The following NEMP2 variants were observed in gnomAD, a reference collection of about 807,000 sequenced individuals.
The protein encoded by NEMP2 is UPF0571 transmembrane protein.
NEMP2 carries 53 observed loss-of-function variants against 54.2 expected under a neutral mutation model. The ratio of observed to expected loss-of-function variants is 0.98; its 90% CI spans 0.78 to 1.23. NEMP2 has a LOEUF of 1.23. NEMP2 is among the 50% of genes most tolerant of loss of function. The pLI, the probability that NEMP2 is intolerant of heterozygous loss-of-function variation, is 0.00. For synonymous variants in NEMP2, 197 were observed against 190.3 expected (o/e 1.04, Z -0.29); for missense variants, 455 against 511.3 (o/e 0.89, Z 1.06).
Position 190,529,081 on chromosome 2 carries a change from G to A in NEMP2, c.98-3703C>T, listed in dbSNP as rs1277931095. Among the ~76,000 whole-genome samples, 2 of 152,126 alleles carry A rather than the reference G, an allele frequency of 1.3e-5. No individual in the cohort carries two copies. The highest frequency in any genetic ancestry group is 2.9e-5 in the Non-Finnish European group (2 of 68,020). On this transcript the variant is annotated intron_variant, in intron 1 of 8. Coordinates refer to ENST00000409150, the MANE Select transcript of NEMP2 (RefSeq NM_001142645.2). This position sits in a 1 kb window ranked among gnomAD's most constrained non-coding sequence, Gnocchi z 4.7. Reference sequence around the variant, plus strand: ...ATTGGGCCCGGGTACAATGGCTCATGCCTGTAATTTCGCTTGAACCTGGGA... The same window carrying A: ...ATTGGGCCCGGGTACAATGGCTCATACCTGTAATTTCGCTTGAACCTGGGA...
chr2:190,467,571 C>T, the NEMP2 span, among the ~76,000 whole-genome samples: 1 of 152,096 alleles, frequency 6.6e-6, no homozygotes, highest in Non-Finnish European at 1.5e-5. The surrounding 1 kb of genome is among the most constrained non-coding windows in gnomAD (Gnocchi z 5.5). Flanking sequence ...CGAGATCGTG[C>T]CACTGCTCTC....
the NEMP2 span, chr2:190,436,109 A>G: frequency 1.9e-6 from 3 of 1,614,248 alleles, no homozygotes; most frequent in Non-Finnish European, 1.7e-6. The surrounding 1 kb of genome is among the most constrained non-coding windows in gnomAD (Gnocchi z 5.3). Context: ...GATCCCTTTA[A>G]TGGTATTTCC....
chr2:190,436,176 T>C, the NEMP2 span: 1 of 1,614,172 alleles, frequency 6.2e-7, no homozygotes, highest in East Asian at 2.2e-5. The surrounding 1 kb of genome is among the most constrained non-coding windows in gnomAD (Gnocchi z 5.3). Context: ...CATCTGCTAT[T>C]CCTGAGGAGG....
chr2:190,572,225 T>C, the NEMP2 span, among the ~76,000 whole-genome samples: 1 of 152,150 alleles, frequency 6.6e-6, no homozygotes, highest in Non-Finnish European at 1.5e-5. Flanking sequence ...CTTTTTTAAA[T>C]AATAAAAGTT....
At chr2:190,497,256 A>G in the NEMP2 span, among the ~76,000 whole-genome samples, 1 of 152,150 alleles carries the variant, frequency 6.6e-6, no homozygotes, top group East Asian at 1.9e-4. This position sits in a 1 kb window ranked among gnomAD's most constrained non-coding sequence, Gnocchi z 5.2. Context: ...AAAGATAAAC[A>G]TCATGTTCAT....
chr2:190,438,930 T>G, the NEMP2 span, among the ~76,000 whole-genome samples: 2 of 152,160 alleles, frequency 1.3e-5, no homozygotes, highest in East Asian at 3.9e-4. This position sits in a 1 kb window ranked among gnomAD's most constrained non-coding sequence, Gnocchi z 5.2. Flanking sequence ...GGAGGTGGTG[T>G]TCTGTTCCTT....
rs1574316048 is a variant in NEMP2, at chr2:190,529,325, A to G, written c.98-3947T>C. On this transcript the variant is annotated intron_variant, in intron 1 of 8. Coordinates refer to ENST00000409150, the MANE Select transcript of NEMP2 (RefSeq NM_001142645.2). The surrounding 1 kb of genome is among the most constrained non-coding windows in gnomAD (Gnocchi z 4.7). ...GTGCCTCTATGACCTTCCCTCCTCCACCTTCCCTCCCAGCCCACTGCTCCA... is the reference window on the plus strand; with the variant it reads ...GTGCCTCTATGACCTTCCCTCCTCCGCCTTCCCTCCCAGCCCACTGCTCCA... Among the ~76,000 whole-genome samples, 1 of 151,268 alleles carries G rather than the reference A, an allele frequency of 6.6e-6. No homozygotes were observed. Among genetic ancestry groups the G allele is most frequent in the African/African-American group, 2.4e-5 (1 of 41,076 alleles).
At position 190,522,904 on chromosome 2, in the gene NEMP2, A is replaced by G. The variant is rs1439334628; in HGVS notation, c.213+2359T>C. Among the ~76,000 whole-genome samples the G allele has an allele frequency of 6.6e-6, 1 of 152,156 alleles. No homozygotes were observed. Among genetic ancestry groups the G allele is most frequent in the African/African-American group, 2.4e-5 (1 of 41,434 alleles). On this transcript the variant is annotated intron_variant, in intron 2 of 8. Coordinates refer to ENST00000409150, the MANE Select transcript of NEMP2 (RefSeq NM_001142645.2). The surrounding 1 kb of genome is among the most constrained non-coding windows in gnomAD (Gnocchi z 5.0). The stretch of plus-strand genomic sequence containing the variant: ...TTGTCCCACCTTTCTGGACCTAACT[A>G]ATGTATACCTTAAATGTATTTGATT...
chr2:190,463,905 A>T, the NEMP2 span: 1 of 984,340 alleles, frequency 1.0e-6, no homozygotes, highest in African/African-American at 1.7e-5. The surrounding 1 kb of genome is among the most constrained non-coding windows in gnomAD (Gnocchi z 4.4). Flanking sequence ...TGTCTACCAT[A>T]CAGAAAACGT....
At chr2:190,496,211 TG>T in the NEMP2 span, among the ~76,000 whole-genome samples, 1 of 149,004 alleles carries the variant, frequency 6.7e-6, no homozygotes, top group Non-Finnish European at 1.5e-5. The surrounding 1 kb of genome is among the most constrained non-coding windows in gnomAD (Gnocchi z 4.7). Flanking sequence ...GATACACAAA[TG>T]GCCAACAAAC....
At chr2:190,481,948 C>T in the NEMP2 span, among the ~76,000 whole-genome samples, 1 of 152,228 alleles carries the variant, frequency 6.6e-6, no homozygotes, top group Non-Finnish European at 1.5e-5. Flanking sequence ...CTCACCATCT[C>T]TGTTTCCTTT....
At chr2:190,470,436 G>T in the NEMP2 span, among the ~76,000 whole-genome samples, 1 of 152,118 alleles carries the variant, frequency 6.6e-6, no homozygotes, top group Admixed American at 6.5e-5. Flanking sequence ...GAAGGCTCTT[G>T]TCATGTAGCT....
chr2:190,471,807 G>C, the NEMP2 span, among the ~76,000 whole-genome samples: 1 of 152,196 alleles, frequency 6.6e-6, no homozygotes, highest in Non-Finnish European at 1.5e-5. This position sits in a 1 kb window ranked among gnomAD's most constrained non-coding sequence, Gnocchi z 4.7. Flanking sequence ...GTGGGTCCCT[G>C]ACCCGCAAGT....
the NEMP2 span, among the ~76,000 whole-genome samples, chr2:190,645,224 T>C: frequency 1.3e-5 from 2 of 152,180 alleles, no homozygotes; most frequent in Admixed American, 6.5e-5. Context: ...TTGCAAGAGA[T>C]AGAGTTAAGA....
Position 190,530,356 on chromosome 2 carries a change from T to C in NEMP2, c.97+4203A>G, listed in dbSNP as rs1351892794. ...CTTCATGGTGTCCTCTGGCTGCCCT[T>C]TTTTCTTATCACCTCTCTCCCGAGG... On this transcript the variant is annotated intron_variant, in intron 1 of 8. Transcript: ENST00000409150. The surrounding 1 kb of genome is among the most constrained non-coding windows in gnomAD (Gnocchi z 4.6). 6.6e-6 allele frequency among the ~76,000 whole-genome samples: 1 copy of C among 152,176 alleles called. No homozygotes were observed. Among genetic ancestry groups the C allele is most frequent in the African/African-American group, 2.4e-5 (1 of 41,434 alleles).
the NEMP2 span, among the ~76,000 whole-genome samples, chr2:190,645,175 C>T: frequency 6.6e-6 from 1 of 151,934 alleles, no homozygotes; most frequent in Non-Finnish European, 1.5e-5. Flanking sequence ...TCTGTCTTGC[C>T]CTTACTTTTA....
chr2:190,537,059 C>T (rs772995626), upstream of NEMP2, among the ~76,000 whole-genome samples: 1 of 152,042 alleles, frequency 6.6e-6, no homozygotes, highest in Non-Finnish European at 1.5e-5. Flanking sequence ...TCAGAAATGA[C>T]CCATATATTG....
the NEMP2 span, among the ~76,000 whole-genome samples, chr2:190,461,315 A>G: frequency 6.6e-6 from 1 of 152,136 alleles, no homozygotes; most frequent in African/African-American, 2.4e-5. This position sits in a 1 kb window ranked among gnomAD's most constrained non-coding sequence, Gnocchi z 5.5. Flanking sequence ...AAACATTCAA[A>G]AGGTATTTAG....
At chr2:190,630,144 A>C in the NEMP2 span, among the ~76,000 whole-genome samples, 1 of 152,258 alleles carries the variant, frequency 6.6e-6, no homozygotes, top group African/African-American at 2.4e-5. The surrounding 1 kb of genome is among the most constrained non-coding windows in gnomAD (Gnocchi z 5.5). Context: ...CCAAAGCTTT[A>C]GCAGAAAAAT....
Sources: gnomAD v4.1 joint callset for allele counts (sites outside exome capture counted in the v4.1 genomes callset) on GRCh38, gnomAD v4.1.1 for gene constraint, Gnocchi (gnomAD v3.1) non-coding constraint, MANE v1.5 for transcripts, NCBI Gene and HGNC (gene_info 2026-07-23, HGNC 2026-07-21) for gene names.